PRSS38: variants seen among roughly 807,000 people sequenced by gnomAD.
PRSS38 encodes marapsin 2.
Under a neutral mutation model 26.8 loss-of-function variants are expected in PRSS38, and 22 were observed. The observed-to-expected ratio is 0.82, with a 90% CI of 0.59 to 1.17. The LOEUF (loss-of-function observed/expected upper bound fraction) is 1.17. Among genes scored for constraint, PRSS38 ranks in the 50% most tolerant of loss-of-function variants. The pLI is 0.00. For missense variants in PRSS38, 427 were observed against 422.7 expected (o/e 1.01, Z -0.09); for synonymous variants, 175 against 172.1 (o/e 1.02, Z -0.13).
intron 3 of PRSS38, among the ~76,000 whole-genome samples, chr1:227,818,690 A>AAC (rs1664958321): frequency 6.6e-6 from 1 of 151,714 alleles, no homozygotes; most frequent in African/African-American, 2.4e-5. Flanking sequence ...AAAAAAAAAA[A>AAC]AAAAAAAAAC....
chr1:227,815,691 C>A, upstream of PRSS38: 1 of 1,552,538 alleles, frequency 6.4e-7, no homozygotes, highest in Non-Finnish European at 8.7e-7. Context: ...AGCTAGTCAC[C>A]CGCTGGGGGC....
chr1:227,819,094 T>C (rs984416907), intron 3 of PRSS38, among the ~76,000 whole-genome samples: 1 of 152,246 alleles, frequency 6.6e-6, no homozygotes, highest in African/African-American at 2.4e-5. Context: ...TTCTGACTTC[T>C]CTTAATTCCT....
chr1:227,826,226 G>A (rs989086539), intron 3 of PRSS38, among the ~76,000 whole-genome samples: 16 of 152,084 alleles, frequency 1.1e-4, no homozygotes, highest in African/African-American at 3.9e-4. Flanking sequence ...TTTGCATATT[G>A]ATTTTATATC....
At chr1:227,846,328 CG>C in exon 5 of PRSS38, 1 of 1,296,352 alleles carries the variant, frequency 7.7e-7, no homozygotes, top group Non-Finnish European at 1.1e-6. Context: ...CCACCTATCC[CG>C]GGGGTGGATG....
At chr1:227,830,691 G>A (rs576338534) in intron 3 of PRSS38, among the ~76,000 whole-genome samples, 2 of 151,440 alleles carry the variant, frequency 1.3e-5, no homozygotes, top group African/African-American at 4.8e-5. Context: ...TTTTAGTAGG[G>A]ACAGGGTTTC....
intron 3 of PRSS38, among the ~76,000 whole-genome samples, chr1:227,838,759 A>T (rs922951730): frequency 6.6e-6 from 1 of 152,200 alleles, no homozygotes; most frequent in African/African-American, 2.4e-5. Context: ...GAAAACTCCT[A>T]TTTCTTTGTA....
chr1:227,838,129 A>G (rs1338525073), intron 3 of PRSS38, among the ~76,000 whole-genome samples: 1 of 152,084 alleles, frequency 6.6e-6, no homozygotes. Context: ...ATTTATTTTT[A>G]TATTAATATT....
chr1:227,821,981 GGT>G (rs1420709099), intron 3 of PRSS38, among the ~76,000 whole-genome samples: 1 of 151,932 alleles, frequency 6.6e-6, no homozygotes, highest in African/African-American at 2.4e-5. Context: ...TTCATTTGAT[GGT>G]GTCCCAGGAG....
chr1:227,841,592 T>C (rs1381400281), intron 3 of PRSS38, among the ~76,000 whole-genome samples: 3 of 152,240 alleles, frequency 2.0e-5, no homozygotes, highest in Admixed American at 2.0e-4. Flanking sequence ...TTTTCTTCTA[T>C]ACATTATATT....
At chr1:227,831,804 A>G (rs902232353) in intron 3 of PRSS38, among the ~76,000 whole-genome samples, 2 of 152,196 alleles carry the variant, frequency 1.3e-5, no homozygotes, top group African/African-American at 4.8e-5. Flanking sequence ...GTGAGCCAAG[A>G]TTACACCACT....
chr1:227,827,484 T>G (rs2102677574), intron 3 of PRSS38, among the ~76,000 whole-genome samples: 1 of 152,258 alleles, frequency 6.6e-6, no homozygotes, highest in South Asian at 2.1e-4. Context: ...ATAGAAGTGT[T>G]TATAGTGTTC....
chr1:227,824,476 G>C (rs922370807), intron 3 of PRSS38, among the ~76,000 whole-genome samples: 7 of 152,050 alleles, frequency 4.6e-5, no homozygotes, highest in African/African-American at 1.7e-4. Context: ...TCATTGATGG[G>C]TATCTAGCTT....
chr1:227,823,619 C>T (rs1237743255), intron 3 of PRSS38, among the ~76,000 whole-genome samples: 1 of 152,112 alleles, frequency 6.6e-6, no homozygotes, highest in African/African-American at 2.4e-5. Flanking sequence ...TGAATTCTTG[C>T]TCCATTTGGT....
chr1:227,840,119 C>T (rs1285463340), intron 3 of PRSS38, among the ~76,000 whole-genome samples: 1 of 152,100 alleles, frequency 6.6e-6, no homozygotes, highest in African/African-American at 2.4e-5. Flanking sequence ...ATGGTTTCTA[C>T]ACTTTTGTTT....
At chr1:227,821,107 C>A (rs1219422310) in intron 3 of PRSS38, among the ~76,000 whole-genome samples, 1 of 151,994 alleles carries the variant, frequency 6.6e-6, no homozygotes, top group East Asian at 1.9e-4. Flanking sequence ...AATTAAAAAC[C>A]AAACTCACTT....
At chr1:227,831,753 G>T (rs757799466) in intron 3 of PRSS38, among the ~76,000 whole-genome samples, 1 of 152,126 alleles carries the variant, frequency 6.6e-6, no homozygotes, top group Non-Finnish European at 1.5e-5. Context: ...TTGGGAGGCT[G>T]AGACAGGAGA....
In PRSS38 at chr1:227,836,323, G is replaced by T. The variant is rs140466663; in HGVS notation, c.584-9147G>T. Among the ~76,000 whole-genome samples, 415 of 152,016 alleles carry T rather than the reference G, an allele frequency of 2.7e-3. 5 individuals are homozygous for T. The highest frequency in any genetic ancestry group is 8.8e-3 in the African/African-American group (366 of 41,416). ...ATTTTACTGCCCAGGCTGGCCTCAAGGGATCCTCCCGCTTCTCAAAGTGCT... is the reference window on the plus strand; with the variant it reads ...ATTTTACTGCCCAGGCTGGCCTCAATGGATCCTCCCGCTTCTCAAAGTGCT... On this transcript the variant is annotated intron_variant, in intron 3 of 4. Transcript: ENST00000366757.
intron 3 of PRSS38, among the ~76,000 whole-genome samples, chr1:227,838,880 A>G (rs779901196): frequency 6.6e-6 from 1 of 152,134 alleles, no homozygotes; most frequent in Non-Finnish European, 1.5e-5. Flanking sequence ...CTAGGGCCTT[A>G]CTATGTTGCC....
intron 3 of PRSS38, among the ~76,000 whole-genome samples, chr1:227,842,666 C>T (rs970723637): frequency 2.0e-5 from 3 of 152,090 alleles, no homozygotes; most frequent in Admixed American, 1.3e-4. Context: ...CCGCAACCTC[C>T]GCCTTCTGGG....
Sources: gnomAD v4.1 joint callset for allele counts (sites outside exome capture counted in the v4.1 genomes callset) on GRCh38, gnomAD v4.1.1 for gene constraint, MANE v1.5 for transcripts, NCBI Gene and HGNC (gene_info 2026-07-23, HGNC 2026-07-21) for gene names.